The following WRN variants were observed in gnomAD, a reference collection of about 807,000 sequenced individuals.
The protein encoded by WRN is bifunctional 3'-5' exonuclease/ATP-dependent helicase WRN.
WRN carries 149 observed loss-of-function variants against 180.7 expected under a neutral mutation model. The observed-to-expected ratio is 0.82, with a 90% CI of 0.72 to 0.94. WRN has a LOEUF of 0.94. WRN is among the 40% of genes least tolerant of loss of function. The probability of loss-of-function intolerance (pLI) is 0.00; values close to 1 mark genes in which losing one functional copy is unlikely to be tolerated. For missense variants in WRN, 1,661 were observed against 1,700.1 expected (o/e 0.98, Z 0.40); for synonymous variants, 548 against 568.9 (o/e 0.96, Z 0.52).
rs551039354 is a variant in WRN, at chr8:31,054,860, C to T, written c.-76-3512C>T. On this transcript the variant is annotated intron_variant, in intron 1 of 34. Transcript: ENST00000298139. Reference sequence around the variant, plus strand: ...AATCTGTCACCTACATATTAAGCCCCGCATACATTAGCTGTTTTTCCTGAT... The same window carrying T: ...AATCTGTCACCTACATATTAAGCCCTGCATACATTAGCTGTTTTTCCTGAT... Among the ~76,000 whole-genome samples the T allele has an allele frequency of 5.3e-5, 8 of 152,252 alleles. No individual in the cohort carries two copies. In the South Asian group the frequency reaches 1.2e-3, roughly 24 times the overall value.
At chr8:31,098,701 A>C (rs905367200) in intron 17 of WRN, among the ~76,000 whole-genome samples, 2 of 152,198 alleles carry the variant, frequency 1.3e-5, no homozygotes, top group African/African-American at 4.8e-5. Flanking sequence ...GTAAATGTTA[A>C]ATTACTTAAG....
At chr8:31,124,387 A>G (rs1213390632) in intron 21 of WRN, 135 bp from the exon 22 acceptor site, 27 of 665,292 alleles carry the variant, frequency 4.1e-5, no homozygotes, top group Non-Finnish European at 6.5e-5. Context: ...CTGAGATGCT[A>G]GAAATGTTTT....
chr8:31,153,683 T>A (rs1031809125), intron 31 of WRN, among the ~76,000 whole-genome samples: 1 of 152,176 alleles, frequency 6.6e-6, no homozygotes, highest in Non-Finnish European at 1.5e-5. Context: ...AGGCATCATA[T>A]ATATAGCATG....
chr8:31,095,102 G>A (rs1007337687), intron 16 of WRN, among the ~76,000 whole-genome samples: 2 of 152,100 alleles, frequency 1.3e-5, no homozygotes, highest in Non-Finnish European at 2.9e-5. Flanking sequence ...CCCCATCCTT[G>A]CTATCACTTA....
rs969232141 is a variant in WRN at position 31,157,321 on chromosome 8, G to T, written c.3820-47G>T. 8.7e-6 allele frequency: 14 copies of T among 1,610,552 alleles called. No homozygotes were observed. The Admixed American group carries it at 1.5e-4, about 17-fold the overall frequency. On this transcript the variant is annotated intron_variant, in intron 32 of 34. Coordinates refer to ENST00000298139, the MANE Select transcript of WRN (RefSeq NM_000553.6). The stretch of plus-strand genomic sequence containing the variant: ...TGGACATTTTATTTCCATGACTGGA[G>T]TGGACACTTTTACAACTCACTGGGT...
rs1350156246 is a variant in WRN, at chr8:31,172,927, T to G, written c.4192-68T>G. On this transcript the variant is annotated intron_variant, in intron 34 of 34. Coordinates refer to ENST00000298139, the MANE Select transcript of WRN (RefSeq NM_000553.6). ...TGTGTATTCAGGAACTTATGTTACT[T>G]TTTTGCAACTAATACCCCTTCTCAG... 4.7e-5 allele frequency: 69 copies of G among 1,460,522 alleles called. 2 individuals are homozygous for G. The South Asian group carries it at 7.8e-4, about 17-fold the overall frequency. 90.5% of individuals were successfully genotyped at this position (1,460,522 alleles called of 1,614,324 possible).
At chr8:31,138,089 G>A (rs1251312547) in intron 24 of WRN, among the ~76,000 whole-genome samples, 5 of 151,846 alleles carry the variant, frequency 3.3e-5, no homozygotes, top group African/African-American at 1.2e-4. Context: ...GTGACAAAGA[G>A]AGACCCTGTC....
chr8:31,174,298 G>A lies in WRN; in HGVS notation c.*1196G>A, dbSNP rs1585557433. Among the ~76,000 whole-genome samples the A allele has an allele frequency of 6.6e-6, 1 of 152,222 alleles. No homozygotes were observed. The highest frequency in any genetic ancestry group is 6.5e-5 in the Admixed American group (1 of 15,282). On this transcript the variant is annotated 3_prime_UTR_variant, in exon 35 of 35. Coordinates refer to ENST00000298139, the MANE Select transcript of WRN (RefSeq NM_000553.6). ...ATACCCTGTGAATATCCTGTGTGATGGAGTGGCAAGTACGCACAGACACGT... is the reference window on the plus strand; with the variant it reads ...ATACCCTGTGAATATCCTGTGTGATAGAGTGGCAAGTACGCACAGACACGT...
chr8:31,128,710 T>C (rs1012838210), intron 23 of WRN, among the ~76,000 whole-genome samples: 3 of 152,040 alleles, frequency 2.0e-5, no homozygotes, highest in African/African-American at 7.3e-5. Context: ...ATACAAAAAA[T>C]TAGCCGGATG....
Position 31,124,580 on chromosome 8 carries a change from G to T in WRN, c.2689G>T (p.Ala897Ser), listed in dbSNP as rs760902935. ...KFRLYKLKMMAKMEKYLHSSR... is the reference protein window; with the variant it reads ...KFRLYKLKMMSKMEKYLHSSR... ...TCGATTATACAAATTAAAGATGATG[G>T]CAAAGATGGAAAAATATCTTCATTC... is the stretch of plus-strand genomic sequence containing the variant. Residue 897 changes from alanine (A) to serine (S), a missense_variant, in exon 22 of 35, where the codon GCA becomes TCA. Ala to Ser is a moderately conservative substitution (Grantham distance 99). Transcript: ENST00000298139. 6.2e-7 allele frequency: 1 copy of T among 1,612,840 alleles called. No homozygotes were observed. Among genetic ancestry groups the T allele is most frequent in the Admixed American group, 1.7e-5 (1 of 59,984 alleles).
chr8:31,166,413 G>C lies in WRN; in HGVS notation c.3983-609G>C, dbSNP rs74686138. On this transcript the variant is annotated intron_variant, in intron 33 of 34. Transcript: ENST00000298139. ...CAAGAAATTGACACAGTCTGAATTAGTTCTGTTGAGTTGCAAAAAATGTAA... is the reference window on the plus strand; with the variant it reads ...CAAGAAATTGACACAGTCTGAATTACTTCTGTTGAGTTGCAAAAAATGTAA... Among the ~76,000 whole-genome samples, 98 of 152,258 alleles carry C rather than the reference G, an allele frequency of 6.4e-4. 1 individual carries two copies. The East Asian group carries it at 0.018, about 28-fold the overall frequency.
intron 23 of WRN, 104 bp from the exon 24 acceptor site, chr8:31,132,261 A>G (rs1234724592): frequency 7.1e-7 from 1 of 1,399,560 alleles, no homozygotes. Context: ...CAGTTGGCAC[A>G]TTTGAGATAT....
chr8:31,120,167 C>A, intron 20 of WRN, 76 bp from the exon 21 acceptor site: 1 of 1,568,336 alleles, frequency 6.4e-7, no homozygotes, highest in Non-Finnish European at 8.8e-7. Flanking sequence ...ACAAATTATT[C>A]TTACAAAAAG....
chr8:31,075,114 C>A (rs1431026843), intron 7 of WRN, among the ~76,000 whole-genome samples: 1 of 152,190 alleles, frequency 6.6e-6, no homozygotes, highest in Non-Finnish European at 1.5e-5. Context: ...TGGCAGTGAT[C>A]AAGGAATAGT....
Position 31,081,242 on chromosome 8 carries a change from G to A in WRN, c.1215G>A (p.Leu405=), listed in dbSNP as rs1554520986. ...LDITEHELQI[L]EQQSQEEYLS... is the part of the protein sequence containing the mutation. ...TTACAGAACATGAACTCCAAATTTT[G>A]GAACAGCAGTCTCAGGAAGAATATC... The change falls in exon 9 of 35, where the codon TTG becomes TTA. Residue 405 remains leucine (L), a synonymous_variant. Transcript: ENST00000298139. 1 of 1,612,596 alleles carries A rather than the reference G, an allele frequency of 6.2e-7. No homozygotes were observed. Among genetic ancestry groups the A allele is most frequent in the Non-Finnish European group, 8.5e-7 (1 of 1,179,066 alleles).
At chr8:31,148,576 C>T (rs1048488832) in intron 30 of WRN, among the ~76,000 whole-genome samples, 5 of 152,120 alleles carry the variant, frequency 3.3e-5, no homozygotes, top group Non-Finnish European at 5.9e-5. Flanking sequence ...TGTTGCTTCT[C>T]CTTGTAGTTT....
intron 19 of WRN, among the ~76,000 whole-genome samples, chr8:31,114,893 G>GATTTTTTTTTTTTTTTTTTT (rs764937166): frequency 7.3e-6 from 1 of 136,174 alleles, no homozygotes. Context: ...TTTAAAATAA[G>GATTTTTTTTTTTTTTTTTTT]GTTTTTTTTT....
In WRN at chr8:31,090,519, T is replaced by C; in HGVS notation, c.1707T>C (p.Ala569=). The C allele has an allele frequency of 6.2e-7, 1 of 1,612,258 alleles. No individual in the cohort carries two copies. Among genetic ancestry groups the C allele is most frequent in the Non-Finnish European group, 8.5e-7 (1 of 1,178,762 alleles). ...SVLEERRDNV[A]VMATGYGKSL... ...TAGAAGAAAGAAGAGATAATGTTGC[T>C]GTCATGGCAACTGGTAAGTTGTACT... The change falls in exon 14 of 35, where the codon GCT becomes GCC. Residue 569 remains alanine (A), a synonymous_variant. Transcript: ENST00000298139.
intron 24 of WRN, 94 bp from the exon 25 acceptor site, chr8:31,141,335 TG>T: frequency 6.7e-7 from 1 of 1,501,442 alleles, no homozygotes; most frequent in South Asian, 1.2e-5. Context: ...TGAAATTTAG[TG>T]TAAATCCAAA....
Sources: allele counts gnomAD v4.1 joint callset (sites outside exome capture counted in the v4.1 genomes callset), GRCh38; gene constraint gnomAD v4.1.1; transcripts MANE v1.5; gene names NCBI Gene and HGNC (gene_info 2026-07-23, HGNC 2026-07-21).